The following LRBA variants were observed in gnomAD, a reference collection of about 807,000 sequenced individuals.
LRBA encodes LPS responsive beige-like anchor protein, also known as lipopolysaccharide-responsive and beige-like anchor protein.
A neutral mutation model predicts 330.0 loss-of-function variants in LRBA; 176 were observed. The observed-to-expected ratio is 0.53, with a 90% CI of 0.47 to 0.60. The LOEUF (loss-of-function observed/expected upper bound fraction) is 0.60, where lower values mean the gene tolerates loss of function less well. LRBA is among the 20% of genes least tolerant of loss of function. The pLI is 0.00. For missense variants in LRBA, 3,259 were observed against 3,444.8 expected, an observed-to-expected ratio of 0.95 and a Z score of 1.35; for synonymous variants, 1,230 against 1,193.0, an observed-to-expected ratio of 1.03 and a Z score of -0.64.
chr4:150,715,729 C>T (rs559133722), intron 36 of LRBA, among the ~76,000 whole-genome samples: 1 of 152,216 alleles, frequency 6.6e-6, no homozygotes, highest in East Asian at 1.9e-4. Flanking sequence ...GCCAATGAGA[C>T]CAGAACTGAA....
intron 37 of LRBA, among the ~76,000 whole-genome samples, chr4:150,665,986 A>G (rs1470067872): frequency 6.6e-6 from 1 of 152,238 alleles, no homozygotes; most frequent in Admixed American, 6.5e-5. Flanking sequence ...CAAATTGCAT[A>G]AAACCATTTA....
chr4:150,620,442 A>G (rs1776183835), intron 37 of LRBA, among the ~76,000 whole-genome samples: 1 of 152,184 alleles, frequency 6.6e-6, no homozygotes, highest in South Asian at 2.1e-4. Context: ...CAATCAAGCA[A>G]TCACACTACT....
chr4:150,701,798 C>A (rs1213440891), intron 36 of LRBA, among the ~76,000 whole-genome samples: 1 of 152,160 alleles, frequency 6.6e-6, no homozygotes, highest in Non-Finnish European at 1.5e-5. Flanking sequence ...GACACAAAAT[C>A]TATCAATCCA....
At chr4:150,361,776 T>TC in intron 47 of LRBA, among the ~76,000 whole-genome samples, 1 of 151,056 alleles carries the variant, frequency 6.6e-6, no homozygotes, top group East Asian at 1.9e-4. Context: ...ATACTACTTT[T>TC]TTTTTTTTTT....
rs1782141544 is a variant in LRBA, at chr4:150,672,372, ACT to A, written c.5921+11177_5921+11178del. ...TTTTTCTTTTTTTTTTTTAGAAGAT[ACT>A]CTCTGTTGACAGTGAACATTCTGCT... On this transcript the variant is annotated intron_variant, in intron 37 of 56. Coordinates refer to ENST00000651943, the MANE Select transcript of LRBA (RefSeq NM_001364905.1). Among the ~76,000 whole-genome samples the A allele has an allele frequency of 4.0e-5, 6 of 151,490 alleles. No homozygotes were observed. The South Asian group carries it at 1.0e-3, about 26-fold the overall frequency.
chr4:150,589,062 CACACACACACAG>C lies in LRBA; in HGVS notation c.6194-890_6194-879del, dbSNP rs1236566968. Among the ~76,000 whole-genome samples the C allele has an allele frequency of 2.9e-3, 444 of 151,346 alleles. 3 individuals carry two copies. Among genetic ancestry groups the C allele is most frequent in the Non-Finnish European group, 5.3e-3 (359 of 67,886 alleles). On this transcript the variant is annotated intron_variant, in intron 39 of 56. Transcript: ENST00000651943. ...GTATACACACACACACACACACACA[CACACACACACAG>C]AGAGAGAGAGATCGACGTAGAAAGA...
intron 46 of LRBA, among the ~76,000 whole-genome samples, chr4:150,426,720 C>T (rs979604931): frequency 1.3e-5 from 2 of 151,778 alleles, no homozygotes; most frequent in Non-Finnish European, 2.9e-5. Flanking sequence ...TCTAAGAATA[C>T]TTAACAAAAC....
intron 40 of LRBA, among the ~76,000 whole-genome samples, chr4:150,547,312 G>C (rs574146682): frequency 2.6e-5 from 4 of 152,100 alleles, no homozygotes; most frequent in African/African-American, 9.6e-5. Context: ...AAAAGAAAAA[G>C]AAAAATGCGA....
Position 150,998,913 on chromosome 4 carries a change from T to C in LRBA, c.216+15514A>G, listed in dbSNP as rs111647085. On this transcript the variant is annotated intron_variant, in intron 2 of 56. Coordinates refer to ENST00000651943, the MANE Select transcript of LRBA (RefSeq NM_001364905.1). ...TCTAAGGTATTCCTAAGCAGAAAAA[T>C]AAGTTGGTCAATTGTAGCCTAAGTT... 3.5e-4 allele frequency among the ~76,000 whole-genome samples: 53 copies of C among 152,286 alleles called. 1 individual carries two copies. Among genetic ancestry groups the C allele is most frequent in the African/African-American group, 1.2e-3 (51 of 41,562 alleles).
chr4:150,435,860 C>T (rs1229286407), intron 45 of LRBA, 152 bp from the exon 46 acceptor site: 1 of 480,652 alleles, frequency 2.1e-6, no homozygotes, highest in African/African-American at 2.0e-5. Flanking sequence ...TAAATTATTA[C>T]ATTAATGTTC....
At chr4:150,862,177 T>C (rs1752027457) in intron 22 of LRBA, among the ~76,000 whole-genome samples, 2 of 152,202 alleles carry the variant, frequency 1.3e-5, no homozygotes, top group South Asian at 4.1e-4. Context: ...ATCCCATTAC[T>C]GGGTATATAC....
At position 150,583,346 on chromosome 4, in the gene LRBA, G is replaced by A. The variant is rs1771652243; in HGVS notation, c.6330+4702C>T. 3 of 1,614,188 alleles carry A rather than the reference G, an allele frequency of 1.9e-6. No homozygotes were observed. Among genetic ancestry groups the A allele is most frequent in the Non-Finnish European group, 2.5e-6 (3 of 1,180,044 alleles). ...GCAGTGCTCAAACTGAGCGATGGGC[G>A]GAAGCGGAGCATGTCTCTCTGGGTC... On this transcript the variant is annotated intron_variant, in intron 40 of 56. Coordinates refer to ENST00000651943, the MANE Select transcript of LRBA (RefSeq NM_001364905.1). This position sits in a 1 kb window ranked among gnomAD's most constrained non-coding sequence, Gnocchi z 9.8.
chr4:150,352,676 A>C (rs2151823878), intron 47 of LRBA, among the ~76,000 whole-genome samples: 1 of 152,326 alleles, frequency 6.6e-6, no homozygotes, highest in African/African-American at 2.4e-5. Flanking sequence ...ATTTGAAAAA[A>C]ATCTAGGAAC....
intron 37 of LRBA, among the ~76,000 whole-genome samples, chr4:150,601,207 C>T (rs1044311354): frequency 1.3e-5 from 2 of 152,162 alleles, no homozygotes; most frequent in African/African-American, 4.8e-5. Context: ...ATTAATTTGT[C>T]ATTCATCCAT....
intron 34 of LRBA, among the ~76,000 whole-genome samples, chr4:150,795,467 A>C (rs958745951): frequency 3.3e-5 from 5 of 152,016 alleles, no homozygotes; most frequent in Admixed American, 6.6e-5. Flanking sequence ...AGAGGATTTA[A>C]ATTGATCTTT....
intron 44 of LRBA, among the ~76,000 whole-genome samples, chr4:150,442,944 T>C (rs1167518295): frequency 3.9e-5 from 6 of 152,182 alleles, no homozygotes; most frequent in African/African-American, 1.2e-4. Context: ...ATGATATATA[T>C]GTCAAAGGTG....
intron 2 of LRBA, among the ~76,000 whole-genome samples, chr4:150,985,341 A>C (rs72721728): frequency 1.1e-3 from 169 of 151,994 alleles, no homozygotes; most frequent in Non-Finnish European, 1.7e-3. Context: ...CTATGAGAAA[A>C]GTTCCACCAT....
At chr4:150,670,030 G>A (rs571531804) in intron 37 of LRBA, among the ~76,000 whole-genome samples, 5 of 152,136 alleles carry the variant, frequency 3.3e-5, no homozygotes, top group East Asian at 1.9e-4. Context: ...TGTCTGCCAC[G>A]TTTCTACATA....
At chr4:151,008,591 T>C (rs2149669423) in intron 2 of LRBA, among the ~76,000 whole-genome samples, 1 of 151,246 alleles carries the variant, frequency 6.6e-6, no homozygotes, top group East Asian at 1.9e-4. Context: ...CGAGTTTGGT[T>C]GAAAAAAAAA....
Sources: allele counts gnomAD v4.1 joint callset (sites outside exome capture counted in the v4.1 genomes callset), GRCh38; gene constraint gnomAD v4.1.1; non-coding constraint Gnocchi (gnomAD v3.1); transcripts MANE v1.5; gene names NCBI Gene and HGNC (gene_info 2026-07-23, HGNC 2026-07-21).